The following MICAL3 variants were observed in gnomAD, a reference collection of about 807,000 sequenced individuals.
MICAL3 encodes [F-actin]-monooxygenase MICAL3.
MICAL3 carries 62 observed loss-of-function variants against 207.4 expected under a neutral mutation model. The ratio of observed to expected loss-of-function variants is 0.30; its 90% confidence interval spans 0.24 to 0.37. MICAL3 has a LOEUF of 0.37. Among genes scored for constraint, MICAL3 ranks in the 10% least tolerant of loss-of-function variants. The pLI, the probability that MICAL3 is intolerant of heterozygous loss-of-function variation, is 1.00. For missense variants in MICAL3, 2,368 were observed against 2,635.6 expected, an observed-to-expected ratio of 0.90 and a Z score of 2.22; for synonymous variants, 1,077 against 1,069.3, an observed-to-expected ratio of 1.01 and a Z score of -0.14.
At chr22:17,810,170 C>T (rs2145988322) in intron 28 of MICAL3, among the ~76,000 whole-genome samples, 1 of 149,792 alleles carries the variant, frequency 6.7e-6, no homozygotes, top group Admixed American at 6.8e-5. Context: ...TCATGCCATT[C>T]TCCTGCCTCA....
rs2061816217 is a variant in MICAL3, at chr22:17,790,706, C to T, written c.*26G>A. On this transcript the variant is annotated 3_prime_UTR_variant, in exon 32 of 32. Transcript: ENST00000441493. ...CACTGCCTGGCCAGGCGGATGCCAACAGAAAATGGAGCGTTGGGTGGGAGC... is the reference window on the plus strand; with the variant it reads ...CACTGCCTGGCCAGGCGGATGCCAATAGAAAATGGAGCGTTGGGTGGGAGC... The T allele has an allele frequency of 6.4e-7, 1 of 1,563,462 alleles. No homozygotes were observed. Among genetic ancestry groups the T allele is most frequent in the Non-Finnish European group, 8.7e-7 (1 of 1,152,546 alleles).
intron 16 of MICAL3, chr22:17,879,418 T>C: frequency 1.9e-6 from 3 of 1,607,572 alleles, no homozygotes; most frequent in Non-Finnish European, 2.5e-6. Context: ...GGCAACAAAG[T>C]AGAAACTTAA....
intron 19 of MICAL3, among the ~76,000 whole-genome samples, chr22:17,854,552 A>C (rs940476048): frequency 2.6e-5 from 4 of 152,008 alleles, no homozygotes; most frequent in Non-Finnish European, 5.9e-5. Context: ...CTTGCCGTCC[A>C]CAGACAGGAA....
At chr22:17,888,217 G>A (rs1452285888) in intron 13 of MICAL3, among the ~76,000 whole-genome samples, 2 of 152,152 alleles carry the variant, frequency 1.3e-5, no homozygotes. Flanking sequence ...CGGAAAGTGA[G>A]ACACAGGAAA....
rs190677142 is a variant in MICAL3 at position 17,806,293 on chromosome 22, G to A, written c.5650+2551C>T. Among the ~76,000 whole-genome samples, 11 of 152,314 alleles carry A rather than the reference G, an allele frequency of 7.2e-5. No individual in the cohort carries two copies. In the East Asian group the frequency reaches 1.7e-3, roughly 24 times the overall value. On this transcript the variant is annotated intron_variant, in intron 29 of 31. Transcript: ENST00000441493. ...GCTACAGCTCACTGACAGCACGCAC[G>A]CCTGTCAGCGAGTCCCTTTATGTAG... is the stretch of plus-strand genomic sequence containing the variant.
intron 20 of MICAL3, among the ~76,000 whole-genome samples, chr22:17,837,255 T>C (rs1923495715): frequency 6.6e-6 from 1 of 152,254 alleles, no homozygotes; most frequent in African/African-American, 2.4e-5. Flanking sequence ...TCCCCATTTA[T>C]TCATGGCCAG....
chr22:17,863,000 C>T, intron 19 of MICAL3: 2 of 985,324 alleles, frequency 2.0e-6, no homozygotes, highest in Non-Finnish European at 2.4e-6. Context: ...GGCTCTGACT[C>T]TTTCTTGGTG....
chr22:17,845,331 T>C (rs1301497609), intron 19 of MICAL3, among the ~76,000 whole-genome samples: 4 of 152,078 alleles, frequency 2.6e-5, no homozygotes, highest in Non-Finnish European at 5.9e-5. Context: ...TTGACGTGGG[T>C]AACGTGGGGA....
chr22:17,852,989 C>A (rs141473252), intron 19 of MICAL3, among the ~76,000 whole-genome samples: 7 of 151,660 alleles, frequency 4.6e-5, no homozygotes, highest in African/African-American at 1.5e-4. Flanking sequence ...GCAGGAGAAT[C>A]GCTTGAACCT....
rs1340364230 is a variant in MICAL3 at position 17,790,731 on chromosome 22, C to T, written c.*1G>A. 2.5e-6 allele frequency: 4 copies of T among 1,592,958 alleles called. No homozygotes were observed. Among genetic ancestry groups the T allele is most frequent in the Non-Finnish European group, 3.4e-6 (4 of 1,169,578 alleles). On this transcript the variant is annotated 3_prime_UTR_variant, in exon 32 of 32. Coordinates refer to ENST00000441493, the MANE Select transcript of MICAL3 (RefSeq NM_015241.3). ...CAGAAAATGGAGCGTTGGGTGGGAGCTCAGGACCAGTTAAGGCTGAAGCCC... is the reference window on the plus strand; with the variant it reads ...CAGAAAATGGAGCGTTGGGTGGGAGTTCAGGACCAGTTAAGGCTGAAGCCC...
intron 16 of MICAL3, chr22:17,879,325 C>T (rs1240665308): frequency 1.3e-6 from 2 of 1,598,036 alleles, no homozygotes; most frequent in Non-Finnish European, 8.5e-7. Context: ...CATCCCATGC[C>T]ACGGGTTCAT....
intron 1 of MICAL3, among the ~76,000 whole-genome samples, chr22:17,935,324 G>A (rs1483879277): frequency 2.0e-5 from 3 of 152,138 alleles, no homozygotes; most frequent in Non-Finnish European, 4.4e-5. Flanking sequence ...AACAAGAAAT[G>A]GGGAAAGGAT....
intron 1 of MICAL3, among the ~76,000 whole-genome samples, chr22:17,987,142 G>C (rs1410932773): frequency 2.6e-5 from 4 of 152,110 alleles, no homozygotes; most frequent in Non-Finnish European, 5.9e-5. Flanking sequence ...TCAGGAGACT[G>C]AAGAAGGAGG....
chr22:17,912,369 A>C (rs1479776386), intron 1 of MICAL3, among the ~76,000 whole-genome samples: 2 of 87,160 alleles, frequency 2.3e-5, no homozygotes, highest in African/African-American at 1.5e-4. Context: ...CTATTTCTGT[A>C]AAAAAAAAAA....
At chr22:17,960,203 A>G (rs961263398) in intron 1 of MICAL3, among the ~76,000 whole-genome samples, 3 of 152,138 alleles carry the variant, frequency 2.0e-5, no homozygotes, top group Non-Finnish European at 2.9e-5. Context: ...GCATCTCTTC[A>G]TGGGTGCTGT....
rs765466526 is a variant in MICAL3 at position 17,822,941 on chromosome 22, C to A, written c.3307+6G>T. 3.1e-6 allele frequency: 5 copies of A among 1,589,504 alleles called. No individual in the cohort carries two copies. Among genetic ancestry groups the A allele is most frequent in the Non-Finnish European group, 8.6e-7 (1 of 1,158,208 alleles). ...CACCACAGGGGCGGGGAGGGCGGAC[C>A]CCTACCATCATCCAGCTCAGCACCA... On this transcript the variant is annotated splice_donor_region_variant and intron_variant, in intron 23 of 31. Transcript: ENST00000441493.
At chr22:17,862,349 G>T (rs1926612105) in intron 19 of MICAL3, 1 of 703,706 alleles carries the variant, frequency 1.4e-6, no homozygotes, top group African/African-American at 1.9e-5. Flanking sequence ...CTGCCTCCTG[G>T]GTTCACGCCA....
intron 2 of MICAL3, among the ~76,000 whole-genome samples, chr22:17,905,917 T>C (rs1465440461): frequency 6.6e-6 from 1 of 152,190 alleles, no homozygotes; most frequent in Non-Finnish European, 1.5e-5. Flanking sequence ...TGCTTATGAA[T>C]CAAAACAGAC....
intron 1 of MICAL3, among the ~76,000 whole-genome samples, chr22:17,936,846 G>A (rs1933554801): frequency 6.6e-6 from 1 of 152,184 alleles, no homozygotes; most frequent in Non-Finnish European, 1.5e-5. Context: ...AAGCTTTTCT[G>A]AGTAACTTAA....
Sources: allele counts gnomAD v4.1 joint callset (sites outside exome capture counted in the v4.1 genomes callset), GRCh38; gene constraint gnomAD v4.1.1; transcripts MANE v1.5; gene names NCBI Gene and HGNC (gene_info 2026-07-23, HGNC 2026-07-21).